THSD7A: variants seen among roughly 807,000 people sequenced by gnomAD.
The protein encoded by THSD7A is thrombospondin type-1 domain-containing protein 7A.
Under a neutral mutation model 231.3 loss-of-function variants are expected in THSD7A, and 96 were observed. The observed-to-expected ratio is 0.41, with a 90% CI of 0.35 to 0.49. The LOEUF is 0.49. Among genes scored for constraint, THSD7A ranks in the 20% least tolerant of loss-of-function variants. The probability of loss-of-function intolerance (pLI) is 0.05; values close to 1 mark genes in which losing one functional copy is unlikely to be tolerated. For synonymous variants in THSD7A, 940 were observed against 743.3 expected (o/e 1.26, Z -4.30); for missense variants, 2,290 against 2,070.2 (o/e 1.11, Z -2.06).
intron 11 of THSD7A, among the ~76,000 whole-genome samples, chr7:11,449,404 C>T (rs183443962): frequency 3.7e-4 from 57 of 152,018 alleles, no homozygotes; most frequent in Admixed American, 2.1e-3. Context: ...GTGATCCTTA[C>T]GCAGATTCAA....
intron 1 of THSD7A, among the ~76,000 whole-genome samples, chr7:11,744,964 G>A (rs1359615028): frequency 1.3e-5 from 2 of 151,898 alleles, no homozygotes; most frequent in Admixed American, 6.6e-5. Context: ...ACCCAGTAAT[G>A]GGATGGCTGG....
chr7:11,639,401 G>A (rs895458303), intron 1 of THSD7A, among the ~76,000 whole-genome samples: 1 of 152,108 alleles, frequency 6.6e-6, no homozygotes. Flanking sequence ...CGGGCGCTGT[G>A]GCTCATGCCT....
At chr7:11,439,685 T>C (rs931820718) in intron 13 of THSD7A, among the ~76,000 whole-genome samples, 30 of 152,120 alleles carry the variant, frequency 2.0e-4, no homozygotes, top group Admixed American at 7.2e-4. Flanking sequence ...CAAAGCCTAA[T>C]TGAGCAAGAT....
Position 11,523,108 on chromosome 7 carries a change from CAT to C in THSD7A, c.1822+18309_1822+18310del, listed in dbSNP as rs1788333556. 2.6e-5 allele frequency among the ~76,000 whole-genome samples: 4 copies of C among 152,144 alleles called. 1 individual carries two copies. Among genetic ancestry groups the C allele is most frequent in the Admixed American group, 2.6e-4 (4 of 15,278 alleles). On this transcript the variant is annotated intron_variant, in intron 6 of 27. Transcript: ENST00000423059. ...AATACTTTCTGAAGACCTAATGAAA[CAT>C]AACACATAATTTTCAGTTCTATATT...
intron 4 of THSD7A, among the ~76,000 whole-genome samples, chr7:11,552,752 C>T (rs1248541674): frequency 6.6e-6 from 1 of 152,046 alleles, no homozygotes; most frequent in East Asian, 1.9e-4. Context: ...CATACGTGTA[C>T]AGTAAGGAAC....
chr7:11,396,706 G>C (rs1335968162), intron 23 of THSD7A, among the ~76,000 whole-genome samples: 2 of 152,170 alleles, frequency 1.3e-5, no homozygotes, highest in Non-Finnish European at 2.9e-5. Context: ...GAGGTACAAA[G>C]AGGAGCTGGT....
intron 4 of THSD7A, among the ~76,000 whole-genome samples, chr7:11,550,267 AC>A (rs1789572596): frequency 6.6e-6 from 1 of 152,188 alleles, no homozygotes; most frequent in Admixed American, 6.5e-5. Flanking sequence ...ATACCTAGGA[AC>A]ACAGCTAACC....
chr7:11,694,721 G>T (rs949308126), intron 1 of THSD7A, among the ~76,000 whole-genome samples: 1 of 151,390 alleles, frequency 6.6e-6, no homozygotes, highest in Admixed American at 6.6e-5. Context: ...TCTGAATATA[G>T]CCATGATACT....
intron 27 of THSD7A, 150 bp downstream of exon 27, chr7:11,376,420 G>C: frequency 3.4e-6 from 2 of 590,152 alleles, no homozygotes; most frequent in Non-Finnish European, 5.6e-6. Context: ...AGATTTGGTA[G>C]CTTTTAGCCC....
At chr7:11,669,534 C>T (rs930448412) in intron 1 of THSD7A, among the ~76,000 whole-genome samples, 3 of 151,584 alleles carry the variant, frequency 2.0e-5, no homozygotes, top group Non-Finnish European at 4.4e-5. Context: ...AAGGAATGAC[C>T]AACATTGTTT....
chr7:11,499,615 C>CA (rs1302343888), intron 6 of THSD7A, among the ~76,000 whole-genome samples: 2 of 152,026 alleles, frequency 1.3e-5, no homozygotes, highest in Non-Finnish European at 1.5e-5. Flanking sequence ...ATAGCCAGTA[C>CA]AAAAAAGAAT....
chr7:11,690,053 A>C (rs1287550315), intron 1 of THSD7A, among the ~76,000 whole-genome samples: 1 of 151,808 alleles, frequency 6.6e-6, no homozygotes, highest in Non-Finnish European at 1.5e-5. Flanking sequence ...ACAATCTTAG[A>C]ATGGAGAAAA....
At chr7:11,775,595 C>T (rs139233872) in intron 1 of THSD7A, among the ~76,000 whole-genome samples, 299 of 152,178 alleles carry the variant, frequency 2.0e-3, no homozygotes, top group African/African-American at 6.9e-3. Context: ...AGGATAAATG[C>T]TGACTGCATG....
intron 1 of THSD7A, among the ~76,000 whole-genome samples, chr7:11,687,336 G>T (rs1456203050): frequency 1.3e-5 from 2 of 152,022 alleles, no homozygotes; most frequent in South Asian, 2.1e-4. Flanking sequence ...GTTGTAACAA[G>T]TCAGAATGAC....
At chr7:11,487,886 T>A (rs1317432010) in intron 6 of THSD7A, among the ~76,000 whole-genome samples, 2 of 152,160 alleles carry the variant, frequency 1.3e-5, no homozygotes, top group Non-Finnish European at 2.9e-5. Flanking sequence ...AGCAAAACTA[T>A]GTCAATGTTC....
At position 11,825,057 on chromosome 7, in the gene THSD7A, TA is replaced by T. The variant is rs201484915; in HGVS notation, c.190+6699del. Among the ~76,000 whole-genome samples, 412 of 152,172 alleles carry T rather than the reference TA, an allele frequency of 2.7e-3. 1 individual carries two copies. Among genetic ancestry groups the T allele is most frequent in the African/African-American group, 8.5e-3 (354 of 41,542 alleles). On this transcript the variant is annotated intron_variant, in intron 1 of 27. Transcript: ENST00000423059. ...TCTATAATACAATAATTTTTCTATA[TA>T]TTTTTTTTTGTCTTTCATGCTGTCC...
Position 11,820,482 on chromosome 7 carries a change from A to G in THSD7A, c.190+11275T>C, listed in dbSNP as rs1244080345. On this transcript the variant is annotated intron_variant, in intron 1 of 27. Coordinates refer to ENST00000423059, the MANE Select transcript of THSD7A (RefSeq NM_015204.3). ...GGCCCTGACCCGGAGGTCATCATGC[A>G]AGTAATACTTCTTGCTTTTGGGTGT... The G allele has an allele frequency of 2.9e-6, 3 of 1,051,496 alleles. No individual in the cohort carries two copies. The African/African-American group carries it at 4.8e-5, about 17-fold the overall frequency. The allele number at this position is 1,051,496 out of a possible 1,614,324, so 65.1% of individuals were successfully genotyped here.
At chr7:11,750,490 G>C (rs963744897) in intron 1 of THSD7A, among the ~76,000 whole-genome samples, 1 of 151,914 alleles carries the variant, frequency 6.6e-6, no homozygotes, top group African/African-American at 2.4e-5. Context: ...TGTAACATTG[G>C]TCCTGAAAGC....
intron 10 of THSD7A, among the ~76,000 whole-genome samples, chr7:11,461,141 C>A (rs1785491666): frequency 6.6e-6 from 1 of 152,108 alleles, no homozygotes; most frequent in South Asian, 2.1e-4. Flanking sequence ...AGTCATGAGT[C>A]TTTTGTATAG....
Sources: gnomAD v4.1 joint callset for allele counts (sites outside exome capture counted in the v4.1 genomes callset) on GRCh38, gnomAD v4.1.1 for gene constraint, MANE v1.5 for transcripts, NCBI Gene and HGNC (gene_info 2026-07-23, HGNC 2026-07-21) for gene names.